Variants in ICA1 observed in about 807,000 individuals in gnomAD.
ICA1 encodes the protein islet cell autoantigen 1, also known as 69 kDa islet cell autoantigen.
ICA1 carries 40 observed loss-of-function variants against 71.0 expected under a neutral mutation model. The ratio of observed to expected loss-of-function variants is 0.56; its 90% CI spans 0.44 to 0.73. The LOEUF (loss-of-function observed/expected upper bound fraction) is 0.73. Ranked by LOEUF, ICA1 falls within the 30% of genes least tolerant of loss-of-function variation. The pLI is 0.00. For missense variants in ICA1, 578 were observed against 576.5 expected (o/e 1.00, Z -0.03); for synonymous variants, 207 against 209.5 (o/e 0.99, Z 0.10).
intron 8 of ICA1, chr7:8,156,908 T>C (rs557433467): frequency 7.6e-5 from 116 of 1,524,168 alleles, no homozygotes; most frequent in East Asian, 5.6e-4. Flanking sequence ...TAGATTCTCA[T>C]TGTATTGAAT....
chr7:8,214,717 A>G lies in ICA1; in HGVS notation c.579+3588T>C, dbSNP rs188616029. Among the ~76,000 whole-genome samples the G allele has an allele frequency of 3.8e-3, 580 of 152,282 alleles. 5 individuals carry two copies. The highest frequency in any genetic ancestry group is 0.013 in the African/African-American group (543 of 41,564). ...CTCTGTCGTCAGGCCTCTGTGCTTC[A>G]CAGGGTGCCAGAAGGAAAACAGATT... On this transcript the variant is annotated intron_variant, in intron 6 of 13. Coordinates refer to ENST00000402384, the MANE Select transcript of ICA1 (RefSeq NM_001136020.3).
intron 6 of ICA1, among the ~76,000 whole-genome samples, chr7:8,203,361 T>C (rs1790401060): frequency 1.3e-5 from 2 of 152,114 alleles, no homozygotes; most frequent in Non-Finnish European, 2.9e-5. Context: ...ACATAAGAAA[T>C]CTTCATATAA....
intron 1 of ICA1, among the ~76,000 whole-genome samples, chr7:8,239,578 C>G (rs754842300): frequency 6.6e-6 from 1 of 152,148 alleles, no homozygotes; most frequent in Non-Finnish European, 1.5e-5. Context: ...GAGGGTGAGC[C>G]GAAACAGGGC....
intron 6 of ICA1, among the ~76,000 whole-genome samples, chr7:8,193,094 G>A (rs1194314319): frequency 1.3e-5 from 2 of 152,166 alleles, no homozygotes; most frequent in Non-Finnish European, 2.9e-5. Context: ...GAGTGAAACT[G>A]CTTCAAGGTC....
intron 8 of ICA1, among the ~76,000 whole-genome samples, chr7:8,154,301 T>C (rs1800726102): frequency 6.6e-6 from 1 of 152,242 alleles, no homozygotes; most frequent in African/African-American, 2.4e-5. Flanking sequence ...AGTAAAACTT[T>C]GTGCTTCTTG....
chr7:8,167,346 C>A (rs888931903), intron 6 of ICA1, among the ~76,000 whole-genome samples: 1 of 152,138 alleles, frequency 6.6e-6, no homozygotes, highest in Admixed American at 6.5e-5. Flanking sequence ...AGATGGAGGT[C>A]ATTATCCTAA....
In ICA1 at chr7:8,191,332, T is replaced by A. The variant is rs115739181; in HGVS notation, c.579+26973A>T. ...GATTTGCCATGGTTTGATTTATGAT[T>A]GTTTGACTTAGAGTTTTTGACTTTG... On this transcript the variant is annotated intron_variant, in intron 6 of 13. Transcript: ENST00000402384. Among the ~76,000 whole-genome samples the A allele has an allele frequency of 6.3e-3, 959 of 152,346 alleles. 5 individuals are homozygous for A. Among genetic ancestry groups the A allele is most frequent in the African/African-American group, 0.021 (892 of 41,588 alleles).
rs191921006 is a variant in ICA1, at chr7:8,197,104, G to C, written c.579+21201C>G. ...ATATATATAATTTTTCTACACATGA[G>C]CATTTAAAAAATGTCTTTGGGAAGG... On this transcript the variant is annotated intron_variant, in intron 6 of 13. Coordinates refer to ENST00000402384, the MANE Select transcript of ICA1 (RefSeq NM_001136020.3). Among the ~76,000 whole-genome samples the C allele has an allele frequency of 3.2e-3, 491 of 151,610 alleles. 2 individuals carry two copies. Among genetic ancestry groups the C allele is most frequent in the African/African-American group, 0.011 (466 of 41,310 alleles).
intron 6 of ICA1, among the ~76,000 whole-genome samples, chr7:8,160,138 G>C (rs1026012653): frequency 6.6e-6 from 1 of 152,120 alleles, no homozygotes; most frequent in Non-Finnish European, 1.5e-5. Context: ...AAAAGGTGAG[G>C]TATTTGCATG....
chr7:8,146,502 T>G (rs562069774), intron 8 of ICA1, among the ~76,000 whole-genome samples: 3 of 152,140 alleles, frequency 2.0e-5, no homozygotes, highest in South Asian at 4.2e-4. Context: ...TATTTAACAT[T>G]TTGCCCCATT....
chr7:8,244,021 C>T (rs1804966606), intron 1 of ICA1, among the ~76,000 whole-genome samples: 1 of 149,084 alleles, frequency 6.7e-6, no homozygotes, highest in African/African-American at 2.5e-5. Flanking sequence ...CAATGCTATC[C>T]CCATATGACT....
intron 1 of ICA1, among the ~76,000 whole-genome samples, chr7:8,259,476 AC>A (rs1458657188): frequency 1.6e-4 from 25 of 152,246 alleles, no homozygotes; most frequent in Non-Finnish European, 2.9e-4. Flanking sequence ...AAATTGAAAT[AC>A]ACTTCCTATC....
At chr7:8,200,990 T>G (rs1053953452) in intron 6 of ICA1, among the ~76,000 whole-genome samples, 1 of 152,208 alleles carries the variant, frequency 6.6e-6, no homozygotes, top group Non-Finnish European at 1.5e-5. Flanking sequence ...CCCACAAATT[T>G]CATTTACTTT....
At chr7:8,192,115 G>A (rs12667897) in intron 6 of ICA1, among the ~76,000 whole-genome samples, 48,191 of 151,896 alleles carry the variant, frequency 0.32, 12,364 homozygotes, top group African/African-American at 0.72. Context: ...CATAACCACA[G>A]TACAATTATT....
chr7:8,146,876 A>ACACG (rs1797150105), intron 8 of ICA1, among the ~76,000 whole-genome samples: 1 of 123,920 alleles, frequency 8.1e-6, no homozygotes, highest in East Asian at 2.8e-4. Context: ...ACACACACAC[A>ACACG]CACACGCACA....
chr7:8,197,768 A>G (rs907720176), intron 6 of ICA1, among the ~76,000 whole-genome samples: 2 of 151,980 alleles, frequency 1.3e-5, no homozygotes, highest in South Asian at 4.1e-4. Flanking sequence ...TGGAAAGTAG[A>G]TAGATGACTT....
At chr7:8,182,913 G>T (rs992160208) in intron 6 of ICA1, among the ~76,000 whole-genome samples, 1 of 152,158 alleles carries the variant, frequency 6.6e-6, no homozygotes, top group Admixed American at 6.5e-5. Flanking sequence ...CCCTGAAGTT[G>T]CTGCCTCCAT....
At chr7:8,246,932 G>C (rs1806242858) in intron 1 of ICA1, among the ~76,000 whole-genome samples, 1 of 152,070 alleles carries the variant, frequency 6.6e-6, no homozygotes, top group South Asian at 2.1e-4. Context: ...ATTTTTAGTA[G>C]AGATGGGGTT....
chr7:8,113,343 C>G lies in ICA1; in HGVS notation c.*580G>C, dbSNP rs1658645472. The G allele has an allele frequency of 6.6e-6, 1 of 152,624 alleles. No individual in the cohort carries two copies. Among genetic ancestry groups the G allele is most frequent in the Middle Eastern group, 3.4e-3 (1 of 294 alleles). The allele number at this position is 152,624 out of a possible 1,614,324, so 9.5% of individuals were successfully genotyped here. ...CTGCTTTCCATAGTAAGGTTTGTGCCTTGGACAGAAGCCCAGCTCCTCCAC... is the reference window on the plus strand; with the variant it reads ...CTGCTTTCCATAGTAAGGTTTGTGCGTTGGACAGAAGCCCAGCTCCTCCAC... On this transcript the variant is annotated 3_prime_UTR_variant, in exon 14 of 14. Coordinates refer to ENST00000402384, the MANE Select transcript of ICA1 (RefSeq NM_001136020.3). The surrounding 1 kb of genome is among the most constrained non-coding windows in gnomAD (Gnocchi z 4.2).
Sources: allele counts gnomAD v4.1 joint callset (sites outside exome capture counted in the v4.1 genomes callset), GRCh38; gene constraint gnomAD v4.1.1; non-coding constraint Gnocchi (gnomAD v3.1); transcripts MANE v1.5; gene names NCBI Gene and HGNC (gene_info 2026-07-23, HGNC 2026-07-21).